TCAF1: variants seen among roughly 807,000 people sequenced by gnomAD.
The protein encoded by TCAF1 is TRPM8 channel-associated factor 1.
Under a neutral mutation model 27.3 loss-of-function variants are expected in TCAF1, and 4 were observed. The ratio of observed to expected loss-of-function variants is 0.15; its 90% confidence interval spans 0.07 to 0.34. The LOEUF is 0.34. TCAF1 is among the 10% of genes least tolerant of loss of function. The pLI, the probability that TCAF1 is intolerant of heterozygous loss-of-function variation, is 1.00. For synonymous variants in TCAF1, 105 were observed against 167.1 expected, an observed-to-expected ratio of 0.63 and a Z score of 2.87; for missense variants, 257 against 425.8, an observed-to-expected ratio of 0.60 and a Z score of 3.49.
chr7:143,876,384 G>C lies in TCAF1; in HGVS notation c.225C>G (p.Pro75=). ...EDYLVEAQLT[P]FLLNAVGWLC... ...GCCACCCCACTGCGTTCAGGAGAAA[G>C]GGCGTGAGCTGGGCTTCCACCAAGT... Residue 75 remains proline, a synonymous_variant, in exon 2 of 9, where the codon CCC becomes CCG. Transcript: ENST00000479870. 6.2e-7 allele frequency: 1 copy of C among 1,614,144 alleles called. No individual in the cohort carries two copies. Among genetic ancestry groups the C allele is most frequent in the Non-Finnish European group, 8.5e-7 (1 of 1,180,014 alleles).
At chr7:143,880,638 A>T (rs77979312) in intron 1 of TCAF1, among the ~76,000 whole-genome samples, 8 of 152,342 alleles carry the variant, frequency 5.3e-5, no homozygotes, top group Non-Finnish European at 7.3e-5. Context: ...CAGTTTTTAC[A>T]TGATGAGGTA....
chr7:143,900,179 T>C (rs542815188), intron 1 of TCAF1, among the ~76,000 whole-genome samples: 1 of 152,340 alleles, frequency 6.6e-6, no homozygotes, highest in South Asian at 2.1e-4. Flanking sequence ...TTAGAGGACA[T>C]GGGCAGGCTT....
chr7:143,883,403 C>G (rs1412699067), intron 1 of TCAF1, among the ~76,000 whole-genome samples: 1 of 150,654 alleles, frequency 6.6e-6, no homozygotes, highest in African/African-American at 2.4e-5. Context: ...ACGTGTCTTA[C>G]TTTTGTAAAT....
intron 1 of TCAF1, among the ~76,000 whole-genome samples, chr7:143,878,114 C>T (rs1245869842): frequency 2.6e-5 from 4 of 152,142 alleles, no homozygotes; most frequent in Non-Finnish European, 5.9e-5. Context: ...GCCATATACG[C>T]TTGTCCTGAG....
intron 7 of TCAF1, among the ~76,000 whole-genome samples, 164 bp downstream of exon 7, chr7:143,858,660 A>T (rs1484879429): frequency 6.6e-6 from 1 of 152,178 alleles, no homozygotes; most frequent in Non-Finnish European, 1.5e-5. Flanking sequence ...AAGAGACATC[A>T]TCAATACGAC....
chr7:143,892,920 TTTG>T (rs1813711842), intron 1 of TCAF1, among the ~76,000 whole-genome samples: 1 of 152,216 alleles, frequency 6.6e-6, no homozygotes, highest in South Asian at 2.1e-4. Context: ...TCTTTAAATG[TTTG>T]TTGTTTAACC....
intron 1 of TCAF1, among the ~76,000 whole-genome samples, chr7:143,876,851 AT>A (rs1318974847): frequency 1.3e-5 from 2 of 152,184 alleles, no homozygotes; most frequent in Non-Finnish European, 2.9e-5. Context: ...ATACTTTTCC[AT>A]CACAGAAGGA....
intron 1 of TCAF1, among the ~76,000 whole-genome samples, chr7:143,888,888 A>G (rs138094013): frequency 9.6e-4 from 146 of 152,326 alleles, no homozygotes; most frequent in African/African-American, 3.4e-3. Context: ...ATTACTAGTC[A>G]CAGAACATAG....
At chr7:143,893,852 T>C (rs955153834) in intron 1 of TCAF1, among the ~76,000 whole-genome samples, 1 of 151,626 alleles carries the variant, frequency 6.6e-6, no homozygotes, top group Non-Finnish European at 1.5e-5. Context: ...GTAAACTATT[T>C]CAAAACATTA....
At chr7:143,900,828 C>T (rs977345758) in intron 1 of TCAF1, among the ~76,000 whole-genome samples, 5 of 151,744 alleles carry the variant, frequency 3.3e-5, no homozygotes, top group Non-Finnish European at 5.9e-5. Flanking sequence ...ATGACGAAAA[C>T]GAAAATGGAA....
intron 1 of TCAF1, among the ~76,000 whole-genome samples, chr7:143,887,526 G>A (rs1165253041): frequency 1.3e-5 from 2 of 152,092 alleles, no homozygotes; most frequent in African/African-American, 2.4e-5. Flanking sequence ...CGCAAAATAA[G>A]ACTATTATTC....
intron 1 of TCAF1, among the ~76,000 whole-genome samples, chr7:143,900,858 C>A (rs532106577): frequency 2.0e-5 from 3 of 151,968 alleles, no homozygotes; most frequent in Non-Finnish European, 2.9e-5. Flanking sequence ...AAAGATGAAT[C>A]TATAAAACTT....
intron 1 of TCAF1, among the ~76,000 whole-genome samples, chr7:143,888,052 G>T (rs1412630159): frequency 6.6e-6 from 1 of 152,126 alleles, no homozygotes; most frequent in East Asian, 1.9e-4. Context: ...AATGTATCAA[G>T]CTGTACATTT....
chr7:143,891,637 GATT>G (rs1813641318), intron 1 of TCAF1, among the ~76,000 whole-genome samples: 1 of 152,062 alleles, frequency 6.6e-6, no homozygotes, highest in African/African-American at 2.4e-5. Context: ...AGTGTAACAG[GATT>G]ATGAGATAGG....
At chr7:143,870,337 C>T (rs115420005) in intron 2 of TCAF1, among the ~76,000 whole-genome samples, 2,792 of 151,338 alleles carry the variant, frequency 0.018, no homozygotes, top group African/African-American at 0.065. Context: ...TTCTTCCTTC[C>T]TAATAAAAGT....
At chr7:143,888,319 CA>C (rs1813508692) in intron 1 of TCAF1, among the ~76,000 whole-genome samples, 1 of 152,132 alleles carries the variant, frequency 6.6e-6, no homozygotes, top group South Asian at 2.1e-4. Flanking sequence ...AATGCTTCCA[CA>C]AAACCCTGGA....
intron 1 of TCAF1, among the ~76,000 whole-genome samples, chr7:143,900,900 A>G (rs1485937402): frequency 6.6e-6 from 1 of 152,218 alleles, no homozygotes; most frequent in East Asian, 1.9e-4. Context: ...TCATTAATAT[A>G]ATGTCATTAT....
intron 1 of TCAF1, among the ~76,000 whole-genome samples, chr7:143,880,232 C>T (rs566318501): frequency 1.1e-4 from 17 of 152,290 alleles, no homozygotes; most frequent in Admixed American, 7.2e-4. Context: ...TATTTACTAT[C>T]ACTATCCCCA....
At chr7:143,876,983 T>A (rs1001157711) in intron 1 of TCAF1, among the ~76,000 whole-genome samples, 1 of 152,156 alleles carries the variant, frequency 6.6e-6, no homozygotes, top group Non-Finnish European at 1.5e-5. Context: ...TAAGATGAGG[T>A]CATATGTGAT....
Sources: gnomAD v4.1 joint callset for allele counts (sites outside exome capture counted in the v4.1 genomes callset) on GRCh38, gnomAD v4.1.1 for gene constraint, MANE v1.5 for transcripts, NCBI Gene and HGNC (gene_info 2026-07-23, HGNC 2026-07-21) for gene names.